Variants in TENM2 observed in about 807,000 individuals in gnomAD.
TENM2 encodes teneurin-2.
A neutral mutation model predicts 245.2 loss-of-function variants in TENM2; 52 were observed. The ratio of observed to expected loss-of-function variants is 0.21; its 90% CI spans 0.17 to 0.27. The LOEUF (loss-of-function observed/expected upper bound fraction) is 0.27, where lower values mean the gene tolerates loss of function less well. TENM2 is among the 10% of genes least tolerant of loss of function. The pLI is 1.00. For synonymous variants in TENM2, 1,363 were observed against 1,438.9 expected, an observed-to-expected ratio of 0.95 and a Z score of 1.19; for missense variants, 3,046 against 3,666.8, an observed-to-expected ratio of 0.83 and a Z score of 4.37.
At chr5:167,898,019 A>C (rs916152744) in intron 3 of TENM2, among the ~76,000 whole-genome samples, 5 of 151,904 alleles carry the variant, frequency 3.3e-5, no homozygotes, top group Admixed American at 2.0e-4. Context: ...CACACAGAAG[A>C]CATGACTTCC....
intron 2 of TENM2, among the ~76,000 whole-genome samples, chr5:167,645,155 C>G (rs1207955511): frequency 6.6e-6 from 1 of 152,184 alleles, no homozygotes; most frequent in Non-Finnish European, 1.5e-5. Flanking sequence ...TTATGTGGTG[C>G]ATGACTGTAC....
chr5:167,875,875 C>CTTTTT, intron 2 of TENM2, 111 bp from the exon 5 acceptor site: 1 of 585,378 alleles, frequency 1.7e-6, no homozygotes, highest in Middle Eastern at 4.7e-4. Flanking sequence ...CAGTTCATTT[C>CTTTTT]TTTTTTTTTT....
intron 2 of TENM2, among the ~76,000 whole-genome samples, chr5:167,457,567 G>A (rs1316726209): frequency 7.9e-5 from 12 of 151,830 alleles, no homozygotes; most frequent in African/African-American, 2.4e-4. Context: ...GGCTGGTCTC[G>A]AACTCCCAAC....
intron 2 of TENM2, among the ~76,000 whole-genome samples, chr5:167,595,572 A>C (rs560037221): frequency 1.3e-5 from 2 of 152,372 alleles, no homozygotes; most frequent in African/African-American, 4.8e-5. Flanking sequence ...TATTCATGAG[A>C]TACGTCTTGT....
chr5:167,199,117 AAAAG>A, the TENM2 span, among the ~76,000 whole-genome samples: 1 of 151,560 alleles, frequency 6.6e-6, no homozygotes, highest in Non-Finnish European at 1.5e-5. Context: ...AAAAAAAAAA[AAAAG>A]AAATCACATG....
the TENM2 span, among the ~76,000 whole-genome samples, chr5:167,133,235 G>A: frequency 6.6e-5 from 10 of 152,084 alleles, no homozygotes; most frequent in Non-Finnish European, 1.2e-4. Flanking sequence ...TATTGAGGCC[G>A]ACACACAGAT....
the TENM2 span, among the ~76,000 whole-genome samples, chr5:167,217,579 G>T: frequency 2.0e-4 from 31 of 151,992 alleles, no homozygotes; most frequent in African/African-American, 6.7e-4. Flanking sequence ...ACCTGTGGCC[G>T]AGCTGTGCTA....
chr5:168,232,606 G>C (rs1352914928), intron 25 of TENM2, among the ~76,000 whole-genome samples: 2 of 152,186 alleles, frequency 1.3e-5, no homozygotes, highest in Non-Finnish European at 2.9e-5. Flanking sequence ...CAAGCTCCTG[G>C]GAGCCTGGTC....
At chr5:167,345,750 C>A (rs748717592) in intron 1 of TENM2, among the ~76,000 whole-genome samples, 8 of 152,084 alleles carry the variant, frequency 5.3e-5, no homozygotes, top group Non-Finnish European at 1.2e-4. Context: ...GAACATGAAT[C>A]AGAATCTCAA....
At chr5:167,964,455 C>A (rs1781239838) in intron 4 of TENM2, among the ~76,000 whole-genome samples, 1 of 152,116 alleles carries the variant, frequency 6.6e-6, no homozygotes, top group African/African-American at 2.4e-5. Flanking sequence ...TGCAATTTGC[C>A]TTTTTAAATG....
At chr5:167,252,775 TA>T in the TENM2 span, among the ~76,000 whole-genome samples, 16 of 152,192 alleles carry the variant, frequency 1.1e-4, no homozygotes, top group Admixed American at 7.2e-4. Context: ...TTTACACCAT[TA>T]ACACAATGTG....
chr5:167,257,291 A>G, the TENM2 span, among the ~76,000 whole-genome samples: 7 of 152,156 alleles, frequency 4.6e-5, no homozygotes, highest in Non-Finnish European at 8.8e-5. Flanking sequence ...ACATTTATAT[A>G]CTTATAAATA....
rs1167339841 is a variant in TENM2 at position 168,247,656 on chromosome 5, C to G, written c.6717C>G (p.Asn2239Lys). ...ATCTCCACTTACTGAACCCAGGCAA[C>G]AGTGTGCGCCTCATGCCCTTGCGCT... Residue 2239 changes from asparagine (N) to lysine (K), a missense_variant, in exon 27 of 29, where the codon AAC becomes AAG. By Grantham distance (94) the Asn-to-Lys change is moderately conservative. Around this residue, in one of 2 missense-constraint regions of TENM2, gnomAD observed 2,704 missense variants for 3,331.9 expected, o/e 0.81. Transcript: ENST00000518659. The surrounding 1 kb of genome is among the most constrained non-coding windows in gnomAD (Gnocchi z 7.8). 6.2e-7 allele frequency: 1 copy of G among 1,613,800 alleles called. No homozygotes were observed. The highest frequency in any genetic ancestry group is 2.2e-5 in the East Asian group (1 of 44,900).
intron 2 of TENM2, among the ~76,000 whole-genome samples, chr5:167,620,278 G>A (rs1778075385): frequency 6.6e-6 from 1 of 152,044 alleles, no homozygotes; most frequent in Admixed American, 6.6e-5. Flanking sequence ...GCACTTGGAG[G>A]GGGAAATCAG....
intron 2 of TENM2, among the ~76,000 whole-genome samples, chr5:167,717,436 C>T (rs1759343573): frequency 6.6e-6 from 1 of 152,070 alleles, no homozygotes; most frequent in Non-Finnish European, 1.5e-5. Flanking sequence ...CTCAAGTATC[C>T]TAAAATAACC....
chr5:167,742,977 AAAC>A (rs139078440), intron 2 of TENM2, among the ~76,000 whole-genome samples: 75,749 of 147,560 alleles, frequency 0.51, 20,568 homozygotes, highest in Non-Finnish European at 0.6. Context: ...CTTGTCTTAA[AAAC>A]AACAACAACA....
chr5:168,243,052 A>C (rs1309519304), intron 25 of TENM2, among the ~76,000 whole-genome samples: 1 of 152,094 alleles, frequency 6.6e-6, no homozygotes, highest in Non-Finnish European at 1.5e-5. Context: ...TAAAGTGAGG[A>C]GGTACCAGAC....
At chr5:167,743,748 C>T (rs1761367381) in intron 2 of TENM2, among the ~76,000 whole-genome samples, 1 of 151,596 alleles carries the variant, frequency 6.6e-6, no homozygotes, top group African/African-American at 2.4e-5. Context: ...CTTGATAGTT[C>T]GATTGGAGAG....
At chr5:167,676,443 T>C (rs1375440987) in intron 2 of TENM2, among the ~76,000 whole-genome samples, 1 of 152,156 alleles carries the variant, frequency 6.6e-6, no homozygotes, top group Non-Finnish European at 1.5e-5. Flanking sequence ...ACCTGCTCTT[T>C]ATTCTTATTT....
Sources: gnomAD v4.1 joint callset for allele counts (sites outside exome capture counted in the v4.1 genomes callset) on GRCh38, gnomAD v4.1.1 for gene constraint, gnomAD v4.1.1 regional missense constraint, Gnocchi (gnomAD v3.1) non-coding constraint, MANE v1.5 for transcripts, NCBI Gene and HGNC (gene_info 2026-07-23, HGNC 2026-07-21) for gene names.